Variants in GALNT7 observed in about 807,000 individuals in gnomAD.
The protein encoded by GALNT7 is N-acetylgalactosaminyltransferase 7.
A neutral mutation model predicts 82.1 loss-of-function variants in GALNT7; 60 were observed. The observed-to-expected ratio is 0.73, with a 90% CI of 0.59 to 0.91. The LOEUF is 0.91. Ranked by LOEUF, GALNT7 falls within the 40% of genes least tolerant of loss-of-function variation. The pLI is 0.00. For missense variants in GALNT7, 660 were observed against 804.2 expected (o/e 0.82, Z 2.17); for synonymous variants, 243 against 275.1 (o/e 0.88, Z 1.15).
At chr4:173,246,072 C>G (rs1441541296) in intron 1 of GALNT7, among the ~76,000 whole-genome samples, 2 of 152,126 alleles carry the variant, frequency 1.3e-5, no homozygotes, top group Non-Finnish European at 2.9e-5. Flanking sequence ...TGAAATGCTC[C>G]CAAAAGATGT....
At chr4:173,215,364 GT>G in intron 1 of GALNT7, among the ~76,000 whole-genome samples, 1 of 152,062 alleles carries the variant, frequency 6.6e-6, no homozygotes, top group South Asian at 2.1e-4. Context: ...CCAAGTAGCA[GT>G]GATTACAGGC....
chr4:173,245,464 T>C (rs1734592001), intron 1 of GALNT7, among the ~76,000 whole-genome samples: 2 of 152,300 alleles, frequency 1.3e-5, no homozygotes, highest in Admixed American at 6.5e-5. Flanking sequence ...GCTATGGCTA[T>C]GGATGCTGAC....
intron 2 of GALNT7, among the ~76,000 whole-genome samples, chr4:173,284,927 C>A (rs756756140): frequency 6.6e-6 from 1 of 151,704 alleles, no homozygotes; most frequent in African/African-American, 2.4e-5. Flanking sequence ...ATTTTATAAC[C>A]CTTTACAAGT....
chr4:173,194,328 G>T (rs943646163), intron 1 of GALNT7, among the ~76,000 whole-genome samples: 2 of 152,176 alleles, frequency 1.3e-5, no homozygotes, highest in African/African-American at 4.8e-5. Context: ...TTTAAAGAAG[G>T]CAATTTACTT....
chr4:173,226,404 G>A (rs964721027), intron 1 of GALNT7, among the ~76,000 whole-genome samples: 9 of 152,042 alleles, frequency 5.9e-5, no homozygotes, highest in East Asian at 3.9e-4. Context: ...AACATCAGGC[G>A]TTTAGCATCT....
chr4:173,295,745 C>T lies in GALNT7; in HGVS notation c.886-19C>T. On this transcript the variant is annotated intron_variant, in intron 4 of 11. Coordinates refer to ENST00000265000, the MANE Select transcript of GALNT7 (RefSeq NM_017423.3). ...AACGTATATGAGGAGTATTCTTTCACCTGCCTCTTTTTTTTAAGGTTTTGA... is the reference window on the plus strand; with the variant it reads ...AACGTATATGAGGAGTATTCTTTCATCTGCCTCTTTTTTTTAAGGTTTTGA... The T allele has an allele frequency of 6.5e-7, 1 of 1,538,634 alleles. No individual in the cohort carries two copies. Among genetic ancestry groups the T allele is most frequent in the Non-Finnish European group, 9.0e-7 (1 of 1,111,728 alleles).
At chr4:173,205,297 C>G (rs966796468) in intron 1 of GALNT7, among the ~76,000 whole-genome samples, 1 of 152,124 alleles carries the variant, frequency 6.6e-6, no homozygotes, top group East Asian at 1.9e-4. Context: ...AGGGTTGGTC[C>G]TGGGGTAGGT....
At chr4:173,241,083 T>C (rs1397992583) in intron 1 of GALNT7, among the ~76,000 whole-genome samples, 2 of 151,968 alleles carry the variant, frequency 1.3e-5, no homozygotes, top group Non-Finnish European at 2.9e-5. Context: ...AAAAAATAGT[T>C]GATTAGCCAG....
intron 1 of GALNT7, among the ~76,000 whole-genome samples, chr4:173,211,189 C>A (rs191948427): frequency 9.2e-5 from 14 of 152,084 alleles, no homozygotes; most frequent in Admixed American, 7.2e-4. Context: ...TTGGAAATAA[C>A]CACATCTAGA....
At chr4:173,182,638 T>C (rs1732282688) in intron 1 of GALNT7, among the ~76,000 whole-genome samples, 1 of 151,234 alleles carries the variant, frequency 6.6e-6, no homozygotes, top group African/African-American at 2.4e-5. Context: ...CTCTGAATGA[T>C]GAGGCAAGCA....
At chr4:173,306,198 T>C (rs1737150492) in intron 8 of GALNT7, among the ~76,000 whole-genome samples, 1 of 152,244 alleles carries the variant, frequency 6.6e-6, no homozygotes, top group Admixed American at 6.5e-5. Flanking sequence ...CGTTAGCATA[T>C]AGAAACACTA....
At chr4:173,224,633 A>G (rs562798489) in intron 1 of GALNT7, among the ~76,000 whole-genome samples, 88 of 152,328 alleles carry the variant, frequency 5.8e-4, no homozygotes, top group Non-Finnish European at 4.0e-4. Context: ...ATTCATATAT[A>G]CATATATAGT....
At chr4:173,274,839 C>T (rs918676028) in intron 2 of GALNT7, among the ~76,000 whole-genome samples, 5 of 152,122 alleles carry the variant, frequency 3.3e-5, no homozygotes, top group African/African-American at 1.2e-4. Context: ...TGGGAGTCAG[C>T]CGGGGATGTT....
intron 1 of GALNT7, among the ~76,000 whole-genome samples, chr4:173,199,475 G>A (rs1732876356): frequency 6.6e-6 from 1 of 152,180 alleles, no homozygotes; most frequent in Non-Finnish European, 1.5e-5. Context: ...TGATGTTAGA[G>A]ATATTCCCGT....
rs578237219 is a variant in GALNT7, at chr4:173,188,020, A to G, written c.126+19059A>G. Among the ~76,000 whole-genome samples the G allele has an allele frequency of 1.6e-4, 24 of 152,350 alleles. No homozygotes were observed. The East Asian group carries it at 3.1e-3, about 20-fold the overall frequency. ...CTATGTCTTTGCATCTTAAATACATACAGACATTATGCATTTATTTATACT... is the reference window on the plus strand; with the variant it reads ...CTATGTCTTTGCATCTTAAATACATGCAGACATTATGCATTTATTTATACT... On this transcript the variant is annotated intron_variant, in intron 1 of 11. Transcript: ENST00000265000.
At chr4:173,189,404 T>C (rs963330504) in intron 1 of GALNT7, among the ~76,000 whole-genome samples, 1 of 152,224 alleles carries the variant, frequency 6.6e-6, no homozygotes, top group Non-Finnish European at 1.5e-5. Context: ...TGGTTTTAAG[T>C]ATAACCCATA....
At chr4:173,264,364 G>C (rs886294837) in intron 2 of GALNT7, among the ~76,000 whole-genome samples, 1 of 152,094 alleles carries the variant, frequency 6.6e-6, no homozygotes, top group African/African-American at 2.4e-5. Flanking sequence ...TTTCCCATCA[G>C]TGTCCATTAT....
intron 2 of GALNT7, among the ~76,000 whole-genome samples, chr4:173,263,639 AG>A (rs1253700316): frequency 6.6e-6 from 1 of 152,222 alleles, no homozygotes; most frequent in Non-Finnish European, 1.5e-5. Context: ...CCAAACTGGA[AG>A]GAGTAATTTA....
At chr4:173,193,670 G>T (rs911446125) in intron 1 of GALNT7, among the ~76,000 whole-genome samples, 1 of 152,104 alleles carries the variant, frequency 6.6e-6, no homozygotes, top group African/African-American at 2.4e-5. Flanking sequence ...GTAAATAAGT[G>T]ATAAAGCAGA....
Sources: gnomAD v4.1 joint callset for allele counts (sites outside exome capture counted in the v4.1 genomes callset) on GRCh38, gnomAD v4.1.1 for gene constraint, MANE v1.5 for transcripts, NCBI Gene and HGNC (gene_info 2026-07-23, HGNC 2026-07-21) for gene names.